The following FTCD variants were observed in gnomAD, a reference collection of about 807,000 sequenced individuals.
FTCD encodes formimidoyltransferase cyclodeaminase, also known as formimidoyltransferase-cyclodeaminase.
FTCD carries 76 observed loss-of-function variants against 62.9 expected under a neutral mutation model. The ratio of observed to expected loss-of-function variants is 1.21; its 90% confidence interval spans 1.00 to 1.46. The LOEUF is 1.46. FTCD is among the 40% of genes most tolerant of loss of function. FTCD has a pLI of 0.00. For missense variants in FTCD, 845 were observed against 751.3 expected (o/e 1.12, Z -1.46); for synonymous variants, 397 against 336.9 (o/e 1.18, Z -1.95).
chr21:46,151,897 T>A lies in FTCD; in HGVS notation c.451A>T (p.Lys151Ter), dbSNP rs747618103. ...IRAGEYEALP[K>*]KLQQADWAPD... ...ACCGCCCGGGGTGGGGGCACCTTCT[T>A]AGGGAGGGCCTCGTACTCCCCGGCC... The change falls in exon 4 of 14, where the codon AAG (lysine) becomes TAG (stop). Residue 151 changes from lysine to a stop codon, truncating the protein, a stop_gained. Transcript: ENST00000397746. LOFTEE classifies it high-confidence loss of function. 1.0e-5 allele frequency: 16 copies of A among 1,562,488 alleles called. No individual in the cohort carries two copies. The African/African-American group carries it at 2.0e-4, about 20-fold the overall frequency.
At chr21:46,139,480 C>T (rs546200258) in intron 10 of FTCD, among the ~76,000 whole-genome samples, 230 of 152,316 alleles carry the variant, frequency 1.5e-3, no homozygotes, top group African/African-American at 4.4e-3. Flanking sequence ...TGGGACCACA[C>T]ACCAACCTTC....
intron 10 of FTCD, chr21:46,142,189 G>A (rs2079025639): frequency 6.6e-6 from 1 of 152,318 alleles, no homozygotes; most frequent in Admixed American, 6.5e-5. Flanking sequence ...GGTTCCTTCT[G>A]ATGTTCAGAT....
chr21:46,152,696 G>A (rs1262374365), intron 3 of FTCD: 17 of 513,474 alleles, frequency 3.3e-5, no homozygotes, highest in African/African-American at 3.8e-5. Context: ...GCTCTGCGGT[G>A]TAGTCTGAGG....
chr21:46,151,628 A>G lies in FTCD; in HGVS notation c.566T>C (p.Leu189Pro). The change falls in exon 5 of 14, where the codon CTG becomes CCG. Residue 189 changes from leucine to proline, a missense_variant. By Grantham distance (98) the Leu-to-Pro change is moderately conservative. Transcript: ENST00000397746. ...RKFLIAFNIN[L>P]LGTKEQAHRI... ...GTGGGCTTGCTCCTTTGTGCCGAGCAGGTTGATGTTAAAAGCAATGAGGAA... is the reference window on the plus strand; with the variant it reads ...GTGGGCTTGCTCCTTTGTGCCGAGCGGGTTGATGTTAAAAGCAATGAGGAA... 6.2e-7 allele frequency: 1 copy of G among 1,613,102 alleles called. No homozygotes were observed. The highest frequency in any genetic ancestry group is 8.5e-7 in the Non-Finnish European group (1 of 1,179,968).
At chr21:46,146,049 G>T (rs991301594) in intron 8 of FTCD, 102 bp from the exon 9 acceptor site, 10 of 769,380 alleles carry the variant, frequency 1.3e-5, no homozygotes, top group South Asian at 7.3e-5. Context: ...CACCCACGGG[G>T]AGGTGACCAC....
At chr21:46,138,825 GCCA>G (rs1468312985) in intron 11 of FTCD, 52 bp downstream of exon 11, 26 of 1,521,920 alleles carry the variant, frequency 1.7e-5, no homozygotes, top group Non-Finnish European at 2.4e-5. Context: ...CGGGATCCTG[GCCA>G]CCAACTCCCC....
At chr21:46,139,042 GA>G (rs1024257711) in intron 10 of FTCD, 119 bp from the exon 11 acceptor site, 1 of 799,012 alleles carries the variant, frequency 1.3e-6, no homozygotes, top group African/African-American at 1.7e-5. Flanking sequence ...AGTTCTCTGG[GA>G]ACCAAGCTTC....
At chr21:46,136,625 G>T, downstream of FTCD, 1 of 1,494,930 alleles carries the variant, frequency 6.7e-7, no homozygotes. Flanking sequence ...GGGTGTCTGG[G>T]GACCCTGGCG....
intron 10 of FTCD, among the ~76,000 whole-genome samples, 166 bp downstream of exon 10, chr21:46,145,251 C>T (rs1194987557): frequency 3.3e-5 from 5 of 152,212 alleles, no homozygotes; most frequent in African/African-American, 7.2e-5. Context: ...GGGGTGAGGG[C>T]GGTGCTGGTG....
rs745826801 is a variant in FTCD at position 46,152,890 on chromosome 21, C to T, written c.367+17G>A. The T allele has an allele frequency of 1.4e-4, 129 of 900,178 alleles. 1 individual carries two copies. The highest frequency in any genetic ancestry group is 1.2e-3 in the South Asian group (76 of 64,824). 55.8% of individuals were successfully genotyped at this position (900,178 alleles called of 1,614,324 possible). On this transcript the variant is annotated intron_variant, in intron 3 of 13. Coordinates refer to ENST00000397746, the MANE Select transcript of FTCD (RefSeq NM_206965.2). ...TGAGACGGGAGCAGAGTGAGGGGGG[C>T]GGGGGGGCACGCTCACCTGGCACGT...
At position 46,154,292 on chromosome 21, in the gene FTCD, C is replaced by G. The variant is rs933388936; in HGVS notation, c.95G>C (p.Gly32Ala). Reference protein sequence around the residue: ...AISGAITQTPGCVLLDVDAGP... With the variant: ...AISGAITQTPACVLLDVDAGP... The stretch of plus-strand genomic sequence containing the variant: ...TGCGTCCACATCCAGCAGCACGCAG[C>G]CCGGGGTCTGTGTGATGGCTCCAGA... The change falls in exon 2 of 14, where the codon GGC becomes GCC. Residue 32 changes from glycine (G) to alanine (A), a missense_variant. Gly to Ala is a moderately conservative substitution (Grantham distance 60). Coordinates refer to ENST00000397746, the MANE Select transcript of FTCD (RefSeq NM_206965.2). 5.6e-6 allele frequency: 9 copies of G among 1,611,836 alleles called. No individual in the cohort carries two copies. The highest frequency in any genetic ancestry group is 7.6e-6 in the Non-Finnish European group (9 of 1,179,776).
chr21:46,152,849 C>T (rs1055071247), intron 3 of FTCD, 58 bp downstream of exon 3: 12 of 1,309,600 alleles, frequency 9.2e-6, no homozygotes, highest in East Asian at 5.4e-5. Flanking sequence ...CAGAAGGAGC[C>T]AATAACCCAC....
Position 46,150,264 on chromosome 21 carries a change from G to A in FTCD, c.775-14C>T. 1.9e-6 allele frequency: 3 copies of A among 1,609,018 alleles called. No homozygotes were observed. Among genetic ancestry groups the A allele is most frequent in the Non-Finnish European group, 2.5e-6 (3 of 1,178,092 alleles). ...GAGGCTCAGCTCCTGCCAAGGCACA[G>A]GCAGCGTCACCCCCTGGGGGCTGGC... On this transcript the variant is annotated splice_polypyrimidine_tract_variant and intron_variant, in intron 6 of 13. Transcript: ENST00000397746.
chr21:46,147,671 G>A (rs2079178707), intron 7 of FTCD, among the ~76,000 whole-genome samples: 1 of 152,104 alleles, frequency 6.6e-6, no homozygotes, highest in African/African-American at 2.4e-5. Flanking sequence ...AGTCACGGTG[G>A]CTCACGCCTG....
At chr21:46,152,271 T>C (rs553638990) in intron 3 of FTCD, 58 of 409,086 alleles carry the variant, frequency 1.4e-4, no homozygotes, top group African/African-American at 1.1e-3. Flanking sequence ...TTCATGCTTC[T>C]GTTTTCTTTG....
rs1482378375 is a variant in FTCD, at chr21:46,138,547, C to G, written c.1404G>C (p.Leu468=). 3.6e-5 allele frequency: 57 copies of G among 1,586,868 alleles called. No homozygotes were observed. In the East Asian group the frequency reaches 1.3e-3, roughly 35 times the overall value. Residue 468 remains leucine, a synonymous_variant, in exon 12 of 14, where the codon CTG becomes CTC. Transcript: ENST00000397746. ...VASLWPALQE[L]ARCGNLACRS... is the part of the protein sequence containing the mutation. The stretch of plus-strand genomic sequence containing the variant: ...GGCAGGCCAGGTTCCCACACCGGGC[C>G]AGTTCCTGCAGGGCCGGCCACAGCG...
At chr21:46,139,379 C>T (rs952499949) in intron 10 of FTCD, among the ~76,000 whole-genome samples, 1 of 152,324 alleles carries the variant, frequency 6.6e-6, no homozygotes, top group East Asian at 1.9e-4. Flanking sequence ...GTCACAGGCA[C>T]TGGCCTTTCC....
intron 5 of FTCD, 91 bp downstream of exon 5, chr21:46,151,467 T>A: frequency 1.1e-6 from 1 of 941,246 alleles, no homozygotes; most frequent in Non-Finnish European, 1.5e-6. Flanking sequence ...CGGTGCCCCA[T>A]CCCCACCGAC....
chr21:46,155,499 G>A lies in FTCD; in HGVS notation c.25C>T (p.Pro9Ser), dbSNP rs752015807. The A allele has an allele frequency of 1.5e-5, 24 of 1,612,880 alleles. No homozygotes were observed. The highest frequency in any genetic ancestry group is 8.9e-5 in the East Asian group (4 of 44,880). Residue 9 changes from proline to serine, a missense_variant, in exon 1 of 14, where the codon CCC (proline) becomes TCC (serine). Pro to Ser is a moderately conservative substitution (Grantham distance 74). Transcript: ENST00000397746. ...TGGTTCTTCCCCTCCGAAAAGTTGG[G>A]GACGCATTCCACCAGCTGGGACATG... The part of the protein sequence containing the change: MSQLVECV[P>S]NFSEGKNQEV...
Sources: allele counts gnomAD v4.1 joint callset (sites outside exome capture counted in the v4.1 genomes callset), GRCh38; gene constraint gnomAD v4.1.1; transcripts MANE v1.5; gene names NCBI Gene and HGNC (gene_info 2026-07-23, HGNC 2026-07-21).